ZFP90: variants seen among roughly 807,000 people sequenced by gnomAD.
The protein encoded by ZFP90 is ZFP90 zinc finger protein.
In ZFP90, 38 loss-of-function variants were observed where a neutral mutation model predicts 60.8. The observed-to-expected ratio is 0.62, with a 90% CI of 0.48 to 0.82. The LOEUF (loss-of-function observed/expected upper bound fraction) is 0.82, where lower values mean the gene tolerates loss of function less well. Ranked by LOEUF, ZFP90 falls within the 40% of genes least tolerant of loss-of-function variation. The pLI is 0.00. For synonymous variants in ZFP90, 287 were observed against 264.8 expected (o/e 1.08, Z -0.82); for missense variants, 711 against 759.1 (o/e 0.94, Z 0.74).
In ZFP90 at chr16:68,563,404, C is replaced by G. The variant is rs371755481; in HGVS notation, c.617C>G (p.Ala206Gly). 3 of 1,610,146 alleles carry G rather than the reference C, an allele frequency of 1.9e-6. No homozygotes were observed. The highest frequency in any genetic ancestry group is 1.7e-6 in the Non-Finnish European group (2 of 1,179,130). ...ADLLNENNIL[A>G]KKKPYKCDKC... ...TTACTTAATGAGAATAATATTCTTG[C>G]AAAAAAGAAACCCTATAAGTGTGAT... is the stretch of plus-strand genomic sequence containing the variant. The change falls in exon 5 of 5, where the codon GCA (alanine) becomes GGA (glycine). Residue 206 changes from alanine (A) to glycine (G), a missense_variant. Transcript: ENST00000563169.
At chr16:68,534,948 T>C (rs1041867471), upstream of ZFP90, among the ~76,000 whole-genome samples, 1 of 152,150 alleles carries the variant, frequency 6.6e-6, no homozygotes, top group African/African-American at 2.4e-5. Flanking sequence ...TGAAACATAT[T>C]AGACATCATA....
upstream of ZFP90, among the ~76,000 whole-genome samples, chr16:68,536,646 AAG>A (rs975460698): frequency 6.6e-6 from 1 of 152,152 alleles, no homozygotes; most frequent in Non-Finnish European, 1.5e-5. Context: ...AGCCTGGGAA[AAG>A]AGGGGTGGCA....
intron 2 of ZFP90, among the ~76,000 whole-genome samples, chr16:68,546,731 C>T (rs1597722036): frequency 6.6e-6 from 1 of 152,154 alleles, no homozygotes; most frequent in African/African-American, 2.4e-5. Context: ...AGGCTGGTCT[C>T]GAACTCCAGA....
chr16:68,539,051 C>A (rs960493965), upstream of ZFP90, among the ~76,000 whole-genome samples: 4 of 152,204 alleles, frequency 2.6e-5, no homozygotes, highest in African/African-American at 9.6e-5. Flanking sequence ...AGGGTCTTTC[C>A]CGGCCGATTC....
intron 2 of ZFP90, 34 bp downstream of exon 2, chr16:68,539,859 C>G (rs201210860): frequency 1.6e-5 from 25 of 1,601,224 alleles, no homozygotes; most frequent in Admixed American, 5.1e-5. Context: ...CTGGGCATCC[C>G]ATCCATCTAT....
intron 2 of ZFP90, among the ~76,000 whole-genome samples, chr16:68,542,592 A>G (rs945233409): frequency 3.9e-5 from 6 of 152,106 alleles, no homozygotes; most frequent in African/African-American, 1.4e-4. Flanking sequence ...CTCCATCTCA[A>G]AAAAACCAAC....
At chr16:68,568,399 T>G (rs1770603350), downstream of ZFP90, among the ~76,000 whole-genome samples, 1 of 152,178 alleles carries the variant, frequency 6.6e-6, no homozygotes, top group Non-Finnish European at 1.5e-5. Context: ...TGGCAAAAAT[T>G]GAGAAATCTG....
In ZFP90 at chr16:68,565,395, G is replaced by C. The variant is rs776989729; in HGVS notation, c.*697G>C. On this transcript the variant is annotated 3_prime_UTR_variant, in exon 5 of 5. Coordinates refer to ENST00000563169, the MANE Select transcript of ZFP90 (RefSeq NM_001305203.2). The stretch of plus-strand genomic sequence containing the variant: ...ACACAAACATTTAATGGGCACCTAT[G>C]GGTTGGACACTTTGAGAATTCTTAA... 104 of 985,460 alleles carry C rather than the reference G, an allele frequency of 1.1e-4. No homozygotes were observed. The highest frequency in any genetic ancestry group is 1.2e-4 in the Non-Finnish European group (102 of 829,938). 61.0% of individuals were successfully genotyped at this position (985,460 alleles called of 1,614,324 possible).
chr16:68,564,516 G>A lies in ZFP90; in HGVS notation c.1729G>A (p.Gly577Arg). The change falls in exon 5 of 5, where the codon GGA becomes AGA. Residue 577 changes from glycine to arginine, a missense_variant. Coordinates refer to ENST00000563169, the MANE Select transcript of ZFP90 (RefSeq NM_001305203.2). ...SLIQHERTHT[G>R]EKPYECNECG... is the part of the protein sequence containing the mutation. ...CATTCAGCATGAGAGAACTCATACT[G>A]GAGAGAAGCCCTATGAATGTAATGA... 6.2e-7 allele frequency: 1 copy of A among 1,614,046 alleles called. No individual in the cohort carries two copies.
At chr16:68,550,925 T>C (rs2091248763) in intron 2 of ZFP90, among the ~76,000 whole-genome samples, 1 of 152,232 alleles carries the variant, frequency 6.6e-6, no homozygotes, top group South Asian at 2.1e-4. Flanking sequence ...CAGTCTTCAA[T>C]ACTGCAGATG....
At chr16:68,540,808 C>CAAAT (rs1555497723) in intron 2 of ZFP90, among the ~76,000 whole-genome samples, 3 of 92,656 alleles carry the variant, frequency 3.2e-5, no homozygotes, top group East Asian at 2.8e-4. Context: ...TCCGTCTCTG[C>CAAAT]AAAAAAAAAA....
upstream of ZFP90, among the ~76,000 whole-genome samples, chr16:68,536,262 A>G (rs2152049419): frequency 6.6e-6 from 1 of 152,236 alleles, no homozygotes; most frequent in East Asian, 1.9e-4. Flanking sequence ...GCGGTGGTGA[A>G]CGCTGCCTTC....
upstream of ZFP90, chr16:68,539,276 C>G (rs1369130909): frequency 1.3e-5 from 2 of 155,382 alleles, no homozygotes; most frequent in Non-Finnish European, 2.8e-5. Context: ...AGCGAGGCTC[C>G]GAGTGCGCAG....
chr16:68,552,148 CATTT>C (rs1283455401), intron 2 of ZFP90, among the ~76,000 whole-genome samples: 2 of 152,188 alleles, frequency 1.3e-5, no homozygotes, highest in African/African-American at 4.8e-5. Context: ...GTTACTGGAT[CATTT>C]ATTAGGGTTC....
intron 4 of ZFP90, chr16:68,562,111 CT>C (rs770349098): frequency 6.6e-6 from 1 of 152,178 alleles, no homozygotes; most frequent in Non-Finnish European, 1.5e-5. Context: ...CACCCCTACA[CT>C]TTTAGTATGT....
Position 68,564,221 on chromosome 16 carries a change from T to A in ZFP90, c.1434T>A (p.Tyr478Ter). The A allele has an allele frequency of 6.2e-7, 1 of 1,613,940 alleles. No individual in the cohort carries two copies. The highest frequency in any genetic ancestry group is 8.5e-7 in the Non-Finnish European group (1 of 1,179,962). ...GGATCCATACTGCAGAGAACCCCTA[T>A]GATTGTGAGCAGGCTTTTAGTCAGC... ...HQRIHTAENP[Y>*]DCEQAFSQQA... The change falls in exon 5 of 5, where the codon TAT becomes TAA. Residue 478 changes from tyrosine (Y) to a stop codon, truncating the protein, a stop_gained. Transcript: ENST00000563169. LOFTEE classifies it high-confidence loss of function.
chr16:68,547,858 A>G (rs2091178717), intron 2 of ZFP90, among the ~76,000 whole-genome samples: 1 of 147,648 alleles, frequency 6.8e-6, no homozygotes. Context: ...TTTTTGAGAC[A>G]GAGTTTTGCT....
intron 2 of ZFP90, among the ~76,000 whole-genome samples, chr16:68,573,097 G>A (rs2091576210): frequency 6.6e-6 from 1 of 152,224 alleles, no homozygotes; most frequent in Non-Finnish European, 1.5e-5. Context: ...CTAATCAGAT[G>A]GGAAGCTCAG....
Position 68,564,487 on chromosome 16 carries a change from C to T in ZFP90, c.1700C>T (p.Ser567Phe), listed in dbSNP as rs2091492009. 1 of 1,613,972 alleles carries T rather than the reference C, an allele frequency of 6.2e-7. No homozygotes were observed. The highest frequency in any genetic ancestry group is 1.1e-5 in the South Asian group (1 of 91,090). ...DCGKAFSQSS[S>F]LIQHERTHTG... ...GGGAAAGCCTTTAGTCAAAGTTCAT[C>T]TCTCATTCAGCATGAGAGAACTCAT... The change falls in exon 5 of 5, where the codon TCT (serine) becomes TTT (phenylalanine). Residue 567 changes from serine to phenylalanine, a missense_variant. Coordinates refer to ENST00000563169, the MANE Select transcript of ZFP90 (RefSeq NM_001305203.2).
Sources: allele counts gnomAD v4.1 joint callset (sites outside exome capture counted in the v4.1 genomes callset), GRCh38; gene constraint gnomAD v4.1.1; transcripts MANE v1.5; gene names NCBI Gene and HGNC (gene_info 2026-07-23, HGNC 2026-07-21).